The following LINGO2 variants were observed in gnomAD, a reference collection of about 807,000 sequenced individuals.
The protein encoded by LINGO2 is leucine-rich repeat and immunoglobulin-like domain-containing nogo receptor-interacting protein 2.
In LINGO2, 14 loss-of-function variants were observed where a neutral mutation model predicts 30.6. That is an observed-to-expected ratio of 0.46 (90% CI 0.30 to 0.72). The LOEUF (loss-of-function observed/expected upper bound fraction) is 0.72, where lower values mean the gene tolerates loss of function less well. LINGO2 is among the 30% of genes least tolerant of loss of function. The probability of loss-of-function intolerance (pLI) is 0.07; values close to 1 mark genes in which losing one functional copy is unlikely to be tolerated. For synonymous variants in LINGO2, 317 were observed against 288.5 expected (o/e 1.10, Z -1.00); for missense variants, 729 against 751.7 (o/e 0.97, Z 0.35).
chr9:29,170,855 T>C, the LINGO2 span, among the ~76,000 whole-genome samples: 20 of 152,044 alleles, frequency 1.3e-4, no homozygotes, highest in African/African-American at 4.6e-4. Context: ...ATATGACACT[T>C]TTTTCTTTAG....
intron 2 of LINGO2, among the ~76,000 whole-genome samples, chr9:28,433,670 T>C (rs1823772897): frequency 6.6e-6 from 1 of 152,088 alleles, no homozygotes; most frequent in African/African-American, 2.4e-5. Context: ...ACTTTTACAC[T>C]GCTTGTGGGA....
the LINGO2 span, among the ~76,000 whole-genome samples, chr9:29,114,657 G>GT: frequency 2.0e-5 from 3 of 148,744 alleles, no homozygotes; most frequent in Non-Finnish European, 4.4e-5. Flanking sequence ...GCAGTGATTG[G>GT]TTTTTTTGTC....
At chr9:28,468,237 T>C (rs1022007280) in intron 2 of LINGO2, among the ~76,000 whole-genome samples, 5 of 152,206 alleles carry the variant, frequency 3.3e-5, no homozygotes, top group African/African-American at 1.2e-4. Context: ...TATCCTATGT[T>C]GTGCTTCACA....
the LINGO2 span, among the ~76,000 whole-genome samples, chr9:28,991,078 G>A: frequency 6.6e-6 from 1 of 152,130 alleles, no homozygotes; most frequent in Non-Finnish European, 1.5e-5. Context: ...AGCTACAGGA[G>A]GAAATTCAAA....
the LINGO2 span, among the ~76,000 whole-genome samples, chr9:28,677,296 T>C: frequency 2.6e-5 from 4 of 152,260 alleles, no homozygotes; most frequent in African/African-American, 7.2e-5. Context: ...TGTGCGGACA[T>C]GTTCCTTAAC....
the LINGO2 span, among the ~76,000 whole-genome samples, chr9:29,056,667 C>T: frequency 1.3e-5 from 2 of 152,096 alleles, no homozygotes; most frequent in Non-Finnish European, 2.9e-5. Context: ...CTGCCGACGA[C>T]AATGTCTAGA....
chr9:28,949,156 G>A, the LINGO2 span, among the ~76,000 whole-genome samples: 10 of 151,972 alleles, frequency 6.6e-5, no homozygotes, highest in Admixed American at 6.6e-4. Flanking sequence ...GAGAAAGTGG[G>A]AAAGATCTAA....
intron 4 of LINGO2, among the ~76,000 whole-genome samples, chr9:28,278,838 T>C (rs1823222081): frequency 6.6e-6 from 1 of 152,202 alleles, no homozygotes; most frequent in South Asian, 2.1e-4. Flanking sequence ...TTTGTAAGGC[T>C]ATAGCTCCAT....
At chr9:28,913,091 A>G in the LINGO2 span, among the ~76,000 whole-genome samples, 1 of 152,232 alleles carries the variant, frequency 6.6e-6, no homozygotes, top group East Asian at 1.9e-4. Context: ...CAACTGATCT[A>G]GACAATAATT....
the LINGO2 span, among the ~76,000 whole-genome samples, chr9:29,023,638 C>G: frequency 6.6e-6 from 1 of 151,878 alleles, no homozygotes; most frequent in East Asian, 1.9e-4. Flanking sequence ...TAAAAGAATA[C>G]TTATTTTGGA....
At chr9:28,623,627 G>A (rs74743997) in intron 1 of LINGO2, among the ~76,000 whole-genome samples, 3 of 151,974 alleles carry the variant, frequency 2.0e-5, no homozygotes. Flanking sequence ...GTTAGGTATT[G>A]TAATTCCTCC....
At position 28,349,544 on chromosome 9, in the gene LINGO2, G is replaced by T. The variant is rs1309317161; in HGVS notation, c.-246+23292C>A. On this transcript the variant is annotated intron_variant, in intron 3 of 5. Coordinates refer to ENST00000379992, the Ensembl canonical transcript of LINGO2. ...CTGATTGGTGTACCTGAAAGTGATG[G>T]GGAGAATGGAACCAAGTTGGAAAAC... 6.0e-3 allele frequency among the ~76,000 whole-genome samples: 723 copies of T among 121,292 alleles called. 6 individuals are homozygous for T. The highest frequency in any genetic ancestry group is 0.021 in the African/African-American group (660 of 31,094). 79.6% of individuals were successfully genotyped at this position (121,292 alleles called of 152,430 possible).
At position 28,537,396 on chromosome 9, in the gene LINGO2, T is replaced by A. The variant is rs540416069; in HGVS notation, c.-364-61371A>T. On this transcript the variant is annotated intron_variant, in intron 1 of 5. Transcript: ENST00000379992. ...GTTTCTCTATTGATTCTTGCTAATA[T>A]TTAGAATACCAAATTATTTGACTCT... 2.2e-4 allele frequency among the ~76,000 whole-genome samples: 33 copies of A among 152,326 alleles called. 1 individual carries two copies. In the Middle Eastern group the frequency reaches 0.014, roughly 63 times the overall value.
chr9:28,685,547 T>TCCAAAG, the LINGO2 span, among the ~76,000 whole-genome samples: 1,252 of 152,284 alleles, frequency 8.2e-3, 22 homozygotes, highest in African/African-American at 0.029. Flanking sequence ...TTGAATCTAT[T>TCCAAAG]ATACTCAGAT....
intron 4 of LINGO2, among the ~76,000 whole-genome samples, chr9:28,050,112 G>C (rs995783783): frequency 4.6e-5 from 7 of 150,622 alleles, no homozygotes; most frequent in Non-Finnish European, 8.8e-5. Context: ...GGAGAGAAGA[G>C]TGAGGGGTCA....
intron 4 of LINGO2, among the ~76,000 whole-genome samples, chr9:28,235,822 A>G (rs930647883): frequency 6.6e-6 from 1 of 152,220 alleles, no homozygotes; most frequent in Non-Finnish European, 1.5e-5. Flanking sequence ...AAGCACACCT[A>G]CAAGATCTAG....
Position 28,426,995 on chromosome 9 carries a change from C to A in LINGO2, c.-279+48945G>T, listed in dbSNP as rs1024503633. Among the ~76,000 whole-genome samples, 4 of 152,000 alleles carry A rather than the reference C, an allele frequency of 2.6e-5. No individual in the cohort carries two copies. In the South Asian group the frequency reaches 6.2e-4, roughly 24 times the overall value. On this transcript the variant is annotated intron_variant, in intron 2 of 5. Transcript: ENST00000379992. ...CTTTCAAAGGTGTAGCTATCATATA[C>A]CATAAACGAAGTCTGGCACTTAGCA...
the LINGO2 span, among the ~76,000 whole-genome samples, chr9:28,782,715 A>G: frequency 3.9e-5 from 6 of 152,340 alleles, no homozygotes; most frequent in Non-Finnish European, 5.9e-5. Context: ...TCCTAGCATC[A>G]TGGGAATTAA....
At chr9:28,047,265 G>C (rs1045936947) in intron 4 of LINGO2, among the ~76,000 whole-genome samples, 1 of 152,112 alleles carries the variant, frequency 6.6e-6, no homozygotes, top group Non-Finnish European at 1.5e-5. Flanking sequence ...CTGACTCTTT[G>C]GTCGGAGCTT....
Sources: gnomAD v4.1 joint callset for allele counts (sites outside exome capture counted in the v4.1 genomes callset) on GRCh38, gnomAD v4.1.1 for gene constraint, MANE v1.5 for transcripts, NCBI Gene and HGNC (gene_info 2026-07-23, HGNC 2026-07-21) for gene names.